Variants in BAZ2B observed in about 807,000 individuals in gnomAD.
The protein encoded by BAZ2B is bromodomain adjacent to zinc finger domain 2B, also known as bromodomain adjacent to zinc finger domain protein 2B.
In BAZ2B, 91 loss-of-function variants were observed where a neutral mutation model predicts 246.0. That is an observed-to-expected ratio of 0.37 (90% confidence interval 0.31 to 0.44). BAZ2B has a LOEUF of 0.44. Among genes scored for constraint, BAZ2B ranks in the 20% least tolerant of loss-of-function variants. The pLI is 1.00. For missense variants in BAZ2B, 2,332 were observed against 2,533.7 expected (o/e 0.92, Z 1.71); for synonymous variants, 855 against 860.0 (o/e 0.99, Z 0.10).
At chr2:159,520,176 A>C (rs1259734373) in intron 2 of BAZ2B, among the ~76,000 whole-genome samples, 1 of 152,180 alleles carries the variant, frequency 6.6e-6, no homozygotes, top group Admixed American at 6.5e-5. Flanking sequence ...CCTGAACACT[A>C]ATAAAATGTA....
At chr2:159,364,411 G>A (rs995753259) in intron 27 of BAZ2B, among the ~76,000 whole-genome samples, 3 of 151,964 alleles carry the variant, frequency 2.0e-5, no homozygotes, top group Admixed American at 1.3e-4. Context: ...TTTTCTTTTC[G>A]AGACAGGGTC....
At chr2:159,593,472 T>C (rs1173588725) in intron 1 of BAZ2B, among the ~76,000 whole-genome samples, 1 of 152,238 alleles carries the variant, frequency 6.6e-6, no homozygotes, top group East Asian at 1.9e-4. Context: ...TTGTTTTTTG[T>C]GGTAAAATAC....
intron 2 of BAZ2B, among the ~76,000 whole-genome samples, chr2:159,548,516 T>A (rs1559746708): frequency 6.6e-6 from 1 of 152,050 alleles, no homozygotes; most frequent in Non-Finnish European, 1.5e-5. Flanking sequence ...TAATGATATA[T>A]CTTTTAAAAT....
chr2:159,358,151 T>G (rs1008217525), intron 27 of BAZ2B, among the ~76,000 whole-genome samples: 2 of 152,144 alleles, frequency 1.3e-5, no homozygotes, highest in African/African-American at 4.8e-5. Context: ...ATGCCCCAAT[T>G]AAAAGACACA....
chr2:159,502,574 C>T (rs1044309829), intron 2 of BAZ2B, among the ~76,000 whole-genome samples: 1 of 152,020 alleles, frequency 6.6e-6, no homozygotes, highest in African/African-American at 2.4e-5. Flanking sequence ...ACTGAGGCTG[C>T]AGTTAGCTGT....
chr2:159,331,264 A>G (rs2064712624), intron 34 of BAZ2B, among the ~76,000 whole-genome samples: 1 of 152,230 alleles, frequency 6.6e-6, no homozygotes, highest in South Asian at 2.1e-4. Flanking sequence ...TCTTCCGATG[A>G]CTTCCATTTT....
intron 21 of BAZ2B, among the ~76,000 whole-genome samples, chr2:159,388,210 TA>T (rs1559216828): frequency 6.6e-6 from 1 of 152,104 alleles, no homozygotes; most frequent in African/African-American, 2.4e-5. Flanking sequence ...TGCATATAAG[TA>T]AATACATATC....
chr2:159,666,067 T>A, the BAZ2B span, among the ~76,000 whole-genome samples: 1 of 152,168 alleles, frequency 6.6e-6, no homozygotes, highest in Non-Finnish European at 1.5e-5. Flanking sequence ...GGTCACGTTC[T>A]TCTTGTTATT....
intron 1 of BAZ2B, among the ~76,000 whole-genome samples, chr2:159,583,196 C>A (rs1398181382): frequency 1.3e-5 from 2 of 151,496 alleles, no homozygotes; most frequent in Non-Finnish European, 2.9e-5. Flanking sequence ...CTCACTGCAA[C>A]CTCTGCCTCC....
chr2:159,679,126 GC>G, the BAZ2B span, among the ~76,000 whole-genome samples: 1 of 151,984 alleles, frequency 6.6e-6, no homozygotes, highest in African/African-American at 2.4e-5. Flanking sequence ...CAAAAAATTA[GC>G]CTGCTGTGGT....
intron 36 of BAZ2B, chr2:159,321,743 G>T (rs538219104): frequency 2.4e-4 from 37 of 152,280 alleles, no homozygotes; most frequent in African/African-American, 7.5e-4. Flanking sequence ...TAGAAGGATG[G>T]TTACCAGAGG....
intron 2 of BAZ2B, among the ~76,000 whole-genome samples, chr2:159,522,177 T>G (rs1051890381): frequency 1.2e-4 from 18 of 152,080 alleles, no homozygotes; most frequent in Admixed American, 4.6e-4. Context: ...TATGATTTAG[T>G]TACAATCTTC....
intron 25 of BAZ2B, among the ~76,000 whole-genome samples, chr2:159,381,776 G>A (rs1484453315): frequency 6.6e-6 from 1 of 152,122 alleles, no homozygotes; most frequent in Non-Finnish European, 1.5e-5. Flanking sequence ...GTTCATCATT[G>A]TTGCATATGA....
At chr2:159,327,303 C>CTGCCAG (rs2063853532) in intron 34 of BAZ2B, among the ~76,000 whole-genome samples, 1 of 152,248 alleles carries the variant, frequency 6.6e-6, no homozygotes, top group African/African-American at 2.4e-5. Context: ...TTCATGACCC[C>CTGCCAG]TGCCAGTACC....
upstream of BAZ2B, among the ~76,000 whole-genome samples, chr2:159,619,583 ATTAT>A (rs1162323235): frequency 6.6e-6 from 1 of 150,840 alleles, no homozygotes; most frequent in Non-Finnish European, 1.5e-5. Flanking sequence ...TATATTTAAA[ATTAT>A]TTAATGTTAT....
chr2:159,370,607 C>T (rs1345906402), intron 27 of BAZ2B, among the ~76,000 whole-genome samples: 2 of 151,976 alleles, frequency 1.3e-5, no homozygotes, highest in African/African-American at 2.4e-5. Context: ...CTCCTGACCT[C>T]GTGATCCGCC....
intron 27 of BAZ2B, among the ~76,000 whole-genome samples, chr2:159,369,231 G>A (rs1448640037): frequency 6.6e-6 from 1 of 152,124 alleles, no homozygotes; most frequent in Non-Finnish European, 1.5e-5. Context: ...AAGAAAAGCA[G>A]ATTATTATTA....
At chr2:159,599,047 T>C (rs912635908) in intron 1 of BAZ2B, among the ~76,000 whole-genome samples, 6 of 151,876 alleles carry the variant, frequency 4.0e-5, no homozygotes, top group Admixed American at 2.6e-4. Flanking sequence ...CTGGCCAACA[T>C]GGCAAAACCC....
At position 159,433,219 on chromosome 2, in the gene BAZ2B, G is replaced by T. The variant is rs139354349; in HGVS notation, c.1438C>A (p.Pro480Thr). 420 of 1,614,120 alleles carry T rather than the reference G, an allele frequency of 2.6e-4. No individual in the cohort carries two copies. In the African/African-American group the frequency reaches 5.1e-3, roughly 20 times the overall value. Residue 480 changes from proline (P) to threonine (T), a missense_variant, in exon 9 of 37, where the codon CCA (proline) becomes ACA (threonine). This residue lies in a region of BAZ2B where 651 missense variants were observed against 650.9 expected (regional missense o/e 1.00). Coordinates refer to ENST00000392783, the MANE Select transcript of BAZ2B (RefSeq NM_013450.4). ...AGTGCATTTGTCAAGAATGGATTTG[G>T]GTGGTTGTTTTCTAATGTTTGTTTT... ...HPKQTLENNH[P>T]NPFLTNALLG...
Sources: allele counts gnomAD v4.1 joint callset (sites outside exome capture counted in the v4.1 genomes callset), GRCh38; gene constraint gnomAD v4.1.1; regional missense constraint gnomAD v4.1.1; transcripts MANE v1.5; gene names NCBI Gene and HGNC (gene_info 2026-07-23, HGNC 2026-07-21).